Variants in NEDD4L observed in about 807,000 individuals in gnomAD.
The protein encoded by NEDD4L is NEDD4 like E3 ubiquitin protein ligase, also known as E3 ubiquitin-protein ligase NEDD4-like.
In NEDD4L, 54 loss-of-function variants were observed where a neutral mutation model predicts 148.9. That is an observed-to-expected ratio of 0.36 (90% confidence interval 0.29 to 0.45). The LOEUF (loss-of-function observed/expected upper bound fraction) is 0.45. Among genes scored for constraint, NEDD4L ranks in the 20% least tolerant of loss-of-function variants. The pLI, the probability that NEDD4L is intolerant of heterozygous loss-of-function variation, is 1.00. For synonymous variants in NEDD4L, 433 were observed against 440.7 expected (o/e 0.98, Z 0.22); for missense variants, 856 against 1,233.8 (o/e 0.69, Z 4.59).
In NEDD4L at chr18:58,099,173, A is replaced by T. The variant is rs570310865; in HGVS notation, c.48+54465A>T. Among the ~76,000 whole-genome samples, 5 of 151,350 alleles carry T rather than the reference A, an allele frequency of 3.3e-5. No individual in the cohort carries two copies. In the East Asian group the frequency reaches 9.7e-4, roughly 29 times the overall value. ...TTCTTCTGGTTATTTTGACTTCCTT[A>T]TACCCCAGTGTCCTTTTTTTTTTGG... On this transcript the variant is annotated intron_variant, in intron 1 of 30. Coordinates refer to ENST00000400345, the MANE Select transcript of NEDD4L (RefSeq NM_001144967.3).
chr18:58,392,713 A>G (rs1388183048), intron 30 of NEDD4L, among the ~76,000 whole-genome samples: 1 of 152,140 alleles, frequency 6.6e-6, no homozygotes, highest in Non-Finnish European at 1.5e-5. Flanking sequence ...AGTAGTTCAG[A>G]GCTTTTATCC....
intron 24 of NEDD4L, among the ~76,000 whole-genome samples, chr18:58,373,900 T>C (rs1012706185): frequency 1.3e-5 from 2 of 152,234 alleles, no homozygotes; most frequent in African/African-American, 4.8e-5. Flanking sequence ...TGCGATGTAT[T>C]TGTCTCAATT....
At position 58,251,904 on chromosome 18, in the gene NEDD4L, G is replaced by T. The variant is rs559736896; in HGVS notation, c.244-97G>T. The T allele has an allele frequency of 8.4e-4, 605 of 719,982 alleles. 3 individuals carry two copies. Among genetic ancestry groups the T allele is most frequent in the Middle Eastern group, 4.5e-3 (19 of 4,198 alleles). The allele number at this position is 719,982 out of a possible 1,614,324, so 44.6% of individuals were successfully genotyped here. A position where few individuals can be genotyped will look rare whatever the true frequency, so the allele number is the denominator to read the frequency against. The stretch of plus-strand genomic sequence containing the variant: ...TTGTTCATATTATACAATTGAGTTG[G>T]GCGCATTGTAAAGCAGTATGTTATT... On this transcript the variant is annotated intron_variant, in intron 4 of 30. Coordinates refer to ENST00000400345, the MANE Select transcript of NEDD4L (RefSeq NM_001144967.3).
At chr18:58,267,970 T>C (rs1408917185) in intron 5 of NEDD4L, among the ~76,000 whole-genome samples, 1 of 151,982 alleles carries the variant, frequency 6.6e-6, no homozygotes, top group Non-Finnish European at 1.5e-5. Context: ...GAGGTCGTCG[T>C]TTTTTGCCCC....
chr18:58,228,783 A>G (rs1442599781), intron 2 of NEDD4L, among the ~76,000 whole-genome samples: 1 of 152,204 alleles, frequency 6.6e-6, no homozygotes, highest in Non-Finnish European at 1.5e-5. Flanking sequence ...GAGGCCCAGG[A>G]TGAGCGTTGG....
intron 5 of NEDD4L, among the ~76,000 whole-genome samples, chr18:58,297,905 G>A (rs967089218): frequency 6.6e-6 from 1 of 152,172 alleles, no homozygotes; most frequent in African/African-American, 2.4e-5. Flanking sequence ...TTTCCCGGGA[G>A]CCCCCTATTA....
At chr18:58,316,683 C>T (rs537516719) in intron 6 of NEDD4L, among the ~76,000 whole-genome samples, 4 of 152,168 alleles carry the variant, frequency 2.6e-5, no homozygotes, top group African/African-American at 9.7e-5. Context: ...GGCTGACACC[C>T]GAAACAGGAG....
chr18:58,375,266 G>A (rs750683183), intron 24 of NEDD4L, among the ~76,000 whole-genome samples: 4 of 152,200 alleles, frequency 2.6e-5, no homozygotes, highest in Non-Finnish European at 4.4e-5. Context: ...ACAGCCTCCT[G>A]TCGGCCGCCC....
In NEDD4L at chr18:58,062,912, C is replaced by T. The variant is rs370978397; in HGVS notation, c.48+18204C>T. 8.0e-3 allele frequency among the ~76,000 whole-genome samples: 1,194 copies of T among 150,174 alleles called. 10 individuals carry two copies. Among genetic ancestry groups the T allele is most frequent in the Non-Finnish European group, 0.014 (937 of 67,698 alleles). ...CTGAGGCAGGAAAATGGCATGAACC[C>T]GGGAGGCAGAGCTTGCAGTTAGCCG... On this transcript the variant is annotated intron_variant, in intron 1 of 30. Coordinates refer to ENST00000400345, the MANE Select transcript of NEDD4L (RefSeq NM_001144967.3).
chr18:58,299,921 C>T (rs2056233437), intron 5 of NEDD4L, among the ~76,000 whole-genome samples: 1 of 152,086 alleles, frequency 6.6e-6, no homozygotes, highest in South Asian at 2.1e-4. Context: ...GACTAGCTCC[C>T]CAAGGAACGA....
intron 1 of NEDD4L, among the ~76,000 whole-genome samples, chr18:58,074,432 GTATT>G (rs1259479923): frequency 4.5e-5 from 5 of 110,706 alleles, no homozygotes; most frequent in African/African-American, 1.6e-4. Flanking sequence ...CTAATTTTTT[GTATT>G]TTTTTTTTTT....
At chr18:58,338,602 A>G (rs764570540) in intron 13 of NEDD4L, among the ~76,000 whole-genome samples, 3 of 152,212 alleles carry the variant, frequency 2.0e-5, no homozygotes, top group Non-Finnish European at 4.4e-5. Flanking sequence ...GATTAGTGCT[A>G]TTCACTGTGG....
At chr18:58,390,809 C>T (rs1003592583) in intron 29 of NEDD4L, 67 bp downstream of exon 29, 1 of 1,167,000 alleles carries the variant, frequency 8.6e-7, no homozygotes, top group Non-Finnish European at 1.3e-6. Flanking sequence ...AACTCTGGCC[C>T]AAGAACCCTG....
chr18:58,046,524 G>A (rs2081593488), intron 1 of NEDD4L: 1 of 152,234 alleles, frequency 6.6e-6, no homozygotes, highest in African/African-American at 2.4e-5. Flanking sequence ...TTTGGGAAGT[G>A]CAGCTGGATA....
intron 2 of NEDD4L, among the ~76,000 whole-genome samples, chr18:58,176,767 C>G (rs2038206527): frequency 6.6e-6 from 1 of 152,190 alleles, no homozygotes; most frequent in Non-Finnish European, 1.5e-5. Context: ...CTCTGCTTTA[C>G]CAAATGTTTT....
Position 58,081,212 on chromosome 18 carries a change from C to CTTT in NEDD4L, c.48+36523_48+36525dup, listed in dbSNP as rs34446805. Among the ~76,000 whole-genome samples, 798 of 120,796 alleles carry CTTT rather than the reference C, an allele frequency of 6.6e-3. 50 individuals are homozygous for CTTT. The highest frequency in any genetic ancestry group is 0.028 in the African/African-American group (729 of 25,882). 79.2% of individuals were successfully genotyped at this position (120,796 alleles called of 152,430 possible). ...CCAAATGAAATTTTGGAACACCACCCTTTTTTTTTTTTTTTTTTTTTGAGA... is the reference window on the plus strand; with the variant it reads ...CCAAATGAAATTTTGGAACACCACCCTTTTTTTTTTTTTTTTTTTTTTTTGAGA... On this transcript the variant is annotated intron_variant, in intron 1 of 30. Coordinates refer to ENST00000400345, the MANE Select transcript of NEDD4L (RefSeq NM_001144967.3).
At chr18:58,217,121 T>TTGATTGTAGGACCTTA (rs2043224856) in intron 2 of NEDD4L, among the ~76,000 whole-genome samples, 1 of 152,166 alleles carries the variant, frequency 6.6e-6, no homozygotes, top group African/African-American at 2.4e-5. Context: ...TTATAGTGAG[T>TTGATTGTAGGACCTTA]TGATTGTAGG....
chr18:58,262,112 G>C (rs2049469007), intron 5 of NEDD4L, among the ~76,000 whole-genome samples: 1 of 152,238 alleles, frequency 6.6e-6, no homozygotes, highest in East Asian at 1.9e-4. Context: ...ACAAAGGAGA[G>C]CACCAAAACA....
chr18:58,365,499 G>A (rs771918047), intron 20 of NEDD4L, among the ~76,000 whole-genome samples: 10 of 152,146 alleles, frequency 6.6e-5, no homozygotes, highest in Non-Finnish European at 1.5e-4. Context: ...CCCCACACTT[G>A]GCATAATCAG....
Sources: allele counts gnomAD v4.1 joint callset (sites outside exome capture counted in the v4.1 genomes callset), GRCh38; gene constraint gnomAD v4.1.1; transcripts MANE v1.5; gene names NCBI Gene and HGNC (gene_info 2026-07-23, HGNC 2026-07-21).